SRGAP3: variants seen among roughly 807,000 people sequenced by gnomAD.
SRGAP3 encodes the protein SLIT-ROBO Rho GTPase activating protein 3.
SRGAP3 carries 39 observed loss-of-function variants against 121.1 expected under a neutral mutation model. That is an observed-to-expected ratio of 0.32 (90% CI 0.25 to 0.42). The LOEUF (loss-of-function observed/expected upper bound fraction) is 0.42. Ranked by LOEUF, SRGAP3 falls within the 10% of genes least tolerant of loss-of-function variation. The pLI, the probability that SRGAP3 is intolerant of heterozygous loss-of-function variation, is 1.00. For missense variants in SRGAP3, 1,213 were observed against 1,470.6 expected (o/e 0.82, Z 2.86); for synonymous variants, 601 against 570.0 (o/e 1.05, Z -0.77).
intron 3 of SRGAP3, among the ~76,000 whole-genome samples, chr3:9,276,732 T>G (rs17050210): frequency 0.58 from 88,713 of 152,064 alleles, 26,534 homozygotes; most frequent in Non-Finnish European, 0.63. Flanking sequence ...GCCGAATTTT[T>G]ACCATTATTA....
At chr3:9,140,361 G>A (rs906931732) in intron 1 of SRGAP3, among the ~76,000 whole-genome samples, 5 of 152,090 alleles carry the variant, frequency 3.3e-5, no homozygotes, top group Non-Finnish European at 7.4e-5. Context: ...ACAAAAGTAG[G>A]TTACAAAAAT....
chr3:9,227,026 A>T (rs1374249333), intron 1 of SRGAP3, among the ~76,000 whole-genome samples: 1 of 152,176 alleles, frequency 6.6e-6, no homozygotes, highest in Non-Finnish European at 1.5e-5. Flanking sequence ...AGCAGGCAAC[A>T]GAAATGAGCA....
intron 4 of SRGAP3, among the ~76,000 whole-genome samples, chr3:9,069,893 G>A (rs1364237977): frequency 1.3e-5 from 2 of 152,200 alleles, no homozygotes; most frequent in African/African-American, 4.8e-5. Flanking sequence ...GTTGCAGTGA[G>A]CCGAGATTGT....
chr3:9,099,380 A>G (rs1948118659), intron 3 of SRGAP3, among the ~76,000 whole-genome samples: 1 of 152,218 alleles, frequency 6.6e-6, no homozygotes, highest in Non-Finnish European at 1.5e-5. Flanking sequence ...CAGGCATCAG[A>G]GCATAGAATA....
In SRGAP3 at chr3:9,031,262, T is replaced by C. The variant is rs548456123; in HGVS notation, c.1539+1388A>G. On this transcript the variant is annotated intron_variant, in intron 12 of 21. Coordinates refer to ENST00000383836, the MANE Select transcript of SRGAP3 (RefSeq NM_014850.4). Reference sequence around the variant, plus strand: ...CTAGCCCCTTCTTGGCCATGGACCATGGCTCTTTTATGGGCAAGGATGAAA... The same window carrying C: ...CTAGCCCCTTCTTGGCCATGGACCACGGCTCTTTTATGGGCAAGGATGAAA... Among the ~76,000 whole-genome samples the C allele has an allele frequency of 8.6e-4, 131 of 152,326 alleles. 2 individuals carry two copies. The highest frequency in any genetic ancestry group is 2.9e-3 in the African/African-American group (121 of 41,578).
At chr3:9,189,262 C>T (rs1951685293) in intron 1 of SRGAP3, among the ~76,000 whole-genome samples, 1 of 152,218 alleles carries the variant, frequency 6.6e-6, no homozygotes, top group Non-Finnish European at 1.5e-5. Flanking sequence ...TCAGACCTTC[C>T]GTAAAACTGT....
At chr3:9,290,085 T>G (rs1954846214) in intron 3 of SRGAP3, among the ~76,000 whole-genome samples, 1 of 151,876 alleles carries the variant, frequency 6.6e-6, no homozygotes, top group Non-Finnish European at 1.5e-5. Context: ...CACTCCAGCC[T>G]GGGCGACAGA....
Position 9,161,216 on chromosome 3 carries a change from G to A in SRGAP3, c.68-36299C>T, listed in dbSNP as rs547137048. On this transcript the variant is annotated intron_variant, in intron 1 of 21. Coordinates refer to ENST00000383836, the MANE Select transcript of SRGAP3 (RefSeq NM_014850.4). ...AATTAACTTTGCAACGGAGAAACCT[G>A]GCAGATACCACCTTAATCAACTGAT... 2.6e-5 allele frequency among the ~76,000 whole-genome samples: 4 copies of A among 152,360 alleles called. No individual in the cohort carries two copies. In the South Asian group the frequency reaches 8.3e-4, roughly 32 times the overall value.
At chr3:9,252,876 C>A (rs550936579), upstream of SRGAP3, among the ~76,000 whole-genome samples, 2 of 152,320 alleles carry the variant, frequency 1.3e-5, no homozygotes, top group African/African-American at 4.8e-5. Context: ...GAGGGGAGGG[C>A]CTCTACCATG....
chr3:9,335,587 T>C (rs1955677128), intron 1 of SRGAP3, among the ~76,000 whole-genome samples: 4 of 152,312 alleles, frequency 2.6e-5, no homozygotes, highest in South Asian at 2.1e-4. Flanking sequence ...TGGACAGTAG[T>C]TCTCAAAGTG....
intron 1 of SRGAP3, among the ~76,000 whole-genome samples, chr3:9,244,058 GC>G (rs1330514620): frequency 2.0e-5 from 3 of 152,124 alleles, no homozygotes; most frequent in African/African-American, 7.2e-5. Flanking sequence ...TGTTTGCCCA[GC>G]CCAGCCTGCT....
intron 12 of SRGAP3, chr3:9,028,029 G>A: frequency 6.3e-7 from 1 of 1,585,930 alleles, no homozygotes; most frequent in Admixed American, 1.7e-5. Flanking sequence ...GGTGGGCTCT[G>A]TTCTGGAAGT....
At chr3:9,075,969 T>C (rs1044666739) in intron 4 of SRGAP3, among the ~76,000 whole-genome samples, 1 of 152,182 alleles carries the variant, frequency 6.6e-6, no homozygotes, top group Non-Finnish European at 1.5e-5. Flanking sequence ...GCCCTTTGCA[T>C]TGTGACTCTG....
In SRGAP3 at chr3:9,239,637, T is replaced by C. The variant is rs983151359; in HGVS notation, c.67+9248A>G. ...GCACCCCATTACCATCACGCACAGATGGGCACACGCAATGCATATTGATTA... is the reference window on the plus strand; with the variant it reads ...GCACCCCATTACCATCACGCACAGACGGGCACACGCAATGCATATTGATTA... On this transcript the variant is annotated intron_variant, in intron 1 of 21. Transcript: ENST00000383836. The surrounding 1 kb of genome is among the most constrained non-coding windows in gnomAD (Gnocchi z 4.0). Among the ~76,000 whole-genome samples the C allele has an allele frequency of 2.6e-5, 4 of 152,162 alleles. No individual in the cohort carries two copies. The highest frequency in any genetic ancestry group is 9.7e-5 in the African/African-American group (4 of 41,428).
At chr3:9,107,637 G>A (rs1403132969) in intron 2 of SRGAP3, among the ~76,000 whole-genome samples, 2 of 152,210 alleles carry the variant, frequency 1.3e-5, no homozygotes, top group Non-Finnish European at 2.9e-5. Flanking sequence ...CATCACTTAG[G>A]AACTTGAAAA....
At chr3:9,342,737 G>A (rs112910409) in intron 1 of SRGAP3, among the ~76,000 whole-genome samples, 316 of 152,200 alleles carry the variant, frequency 2.1e-3, no homozygotes, top group African/African-American at 7.1e-3. Flanking sequence ...TTCCCTACCT[G>A]AAAAACAGTG....
chr3:9,206,378 C>A (rs2125168212), intron 1 of SRGAP3, among the ~76,000 whole-genome samples: 1 of 152,318 alleles, frequency 6.6e-6, no homozygotes, highest in Admixed American at 6.5e-5. Flanking sequence ...CTCAGGGAGT[C>A]TGATTCCCGA....
intron 3 of SRGAP3, among the ~76,000 whole-genome samples, chr3:9,274,222 T>C (rs916976782): frequency 4.6e-5 from 7 of 152,184 alleles, no homozygotes; most frequent in Non-Finnish European, 1.0e-4. Flanking sequence ...CCAATCCCAC[T>C]AAGTATTTCA....
chr3:9,093,715 G>A (rs764802011), intron 3 of SRGAP3, among the ~76,000 whole-genome samples: 8 of 151,896 alleles, frequency 5.3e-5, no homozygotes, highest in African/African-American at 7.3e-5. Context: ...AACATGCACC[G>A]TCCATCCAAA....
Sources: allele counts gnomAD v4.1 joint callset (sites outside exome capture counted in the v4.1 genomes callset), GRCh38; gene constraint gnomAD v4.1.1; non-coding constraint Gnocchi (gnomAD v3.1); transcripts MANE v1.5; gene names NCBI Gene and HGNC (gene_info 2026-07-23, HGNC 2026-07-21).